The following ANKFN1 variants were observed in gnomAD, a reference collection of about 807,000 sequenced individuals.
ANKFN1 encodes ankyrin repeat and fibronectin type III domain containing 1.
In ANKFN1, 74 loss-of-function variants were observed where a neutral mutation model predicts 108.7. The observed-to-expected ratio is 0.68, with a 90% CI of 0.56 to 0.83. The LOEUF is 0.83. Among genes scored for constraint, ANKFN1 ranks in the 40% least tolerant of loss-of-function variants. The pLI is 0.00. For missense variants in ANKFN1, 1,505 were observed against 1,382.3 expected (o/e 1.09, Z -1.41); for synonymous variants, 547 against 516.2 (o/e 1.06, Z -0.81).
At position 56,477,547 on chromosome 17, in the gene ANKFN1, T is replaced by C; in HGVS notation, c.1833T>C (p.Gly611=). The C allele has an allele frequency of 1.2e-6, 2 of 1,613,666 alleles. No homozygotes were observed. The highest frequency in any genetic ancestry group is 1.7e-6 in the Non-Finnish European group (2 of 1,179,764). Residue 611 remains glycine (G), a synonymous_variant, in exon 16 of 21, where the codon GGT becomes GGC. Transcript: ENST00000682825. ...HQRLFPGLYL[G]YLKLCSSVDQ... ...GTCTCTTTCCTGGATTATATCTGGGTTACCTAAAGCTCTGTAGCTCTGTGG... is the reference window on the plus strand; with the variant it reads ...GTCTCTTTCCTGGATTATATCTGGGCTACCTAAAGCTCTGTAGCTCTGTGG...
chr17:56,359,836 C>T (rs2046469367), intron 6 of ANKFN1, among the ~76,000 whole-genome samples: 1 of 152,204 alleles, frequency 6.6e-6, no homozygotes, highest in African/African-American at 2.4e-5. Context: ...TACCCTTCCA[C>T]ATGGTCCTCC....
At chr17:56,250,969 AT>A (rs138670896) in intron 3 of ANKFN1, among the ~76,000 whole-genome samples, 7,446 of 150,934 alleles carry the variant, frequency 0.049, 247 homozygotes, top group Middle Eastern at 0.072. Flanking sequence ...AAGATTGGTA[AT>A]TTTTTTTTTC....
chr17:56,238,631 T>A (rs1477385746), intron 3 of ANKFN1, among the ~76,000 whole-genome samples: 2 of 152,172 alleles, frequency 1.3e-5, no homozygotes, highest in Non-Finnish European at 2.9e-5. Flanking sequence ...TTCCATATGC[T>A]TGGCAGATTT....
At chr17:56,411,440 C>A (rs2048086822) in intron 8 of ANKFN1, among the ~76,000 whole-genome samples, 1 of 152,120 alleles carries the variant, frequency 6.6e-6, no homozygotes, top group Admixed American at 6.5e-5. Flanking sequence ...TCAGCAGAGA[C>A]AATTTCACTT....
At chr17:56,224,529 C>A (rs1916116398) in intron 2 of ANKFN1, 1 of 152,190 alleles carries the variant, frequency 6.6e-6, no homozygotes, top group African/African-American at 2.4e-5. Flanking sequence ...CAACTTTTTA[C>A]AAACCATAAA....
intron 14 of ANKFN1, chr17:56,462,287 T>G (rs1469069198): frequency 6.6e-6 from 1 of 152,206 alleles, no homozygotes; most frequent in East Asian, 1.9e-4. Flanking sequence ...TAGATCACTC[T>G]ACTAATTTAA....
intron 4 of ANKFN1, among the ~76,000 whole-genome samples, chr17:56,340,990 T>A (rs2045944346): frequency 6.6e-6 from 1 of 152,084 alleles, no homozygotes; most frequent in Non-Finnish European, 1.5e-5. Context: ...TGAGCAGTGG[T>A]TTTAGTTCTC....
At chr17:56,175,021 C>T (rs1484585267) in intron 1 of ANKFN1, among the ~76,000 whole-genome samples, 1 of 152,130 alleles carries the variant, frequency 6.6e-6, no homozygotes, top group African/African-American at 2.4e-5. Flanking sequence ...CACCCCCACC[C>T]ACCTTTTGAA....
At chr17:56,062,559 C>CTTTTTT (rs3085080) in intron 4 of ANKFN1, among the ~76,000 whole-genome samples, 8 of 134,518 alleles carry the variant, frequency 5.9e-5, no homozygotes, top group Admixed American at 7.2e-5. Context: ...GTAATCTCTG[C>CTTTTTT]TTTTTTTTTT....
intron 4 of ANKFN1, among the ~76,000 whole-genome samples, chr17:56,347,613 C>A (rs983358071): frequency 2.6e-5 from 4 of 151,838 alleles, no homozygotes; most frequent in Admixed American, 2.6e-4. Flanking sequence ...TTTGTAATAA[C>A]AAATAACAGA....
intron 4 of ANKFN1, among the ~76,000 whole-genome samples, chr17:56,077,992 T>C (rs1905200733): frequency 6.6e-6 from 1 of 152,234 alleles, no homozygotes; most frequent in Admixed American, 6.5e-5. Flanking sequence ...CTAGTCATTG[T>C]GTTGGTATGC....
intron 3 of ANKFN1, among the ~76,000 whole-genome samples, chr17:56,278,086 T>C (rs919969831): frequency 3.9e-5 from 6 of 152,244 alleles, no homozygotes; most frequent in African/African-American, 1.4e-4. Flanking sequence ...AATTGATAAC[T>C]TGTTAAAAGC....
rs139948980 is a variant in ANKFN1, at chr17:56,198,062, A to G, written c.-70-14536A>G. Among the ~76,000 whole-genome samples the G allele has an allele frequency of 2.0e-4, 31 of 152,354 alleles. No individual in the cohort carries two copies. In the East Asian group the frequency reaches 5.8e-3, roughly 28 times the overall value. ...TGTGCATGTGAGGGATCTAAGTTGC[A>G]CATTCCTTATGAGAGTCTAATGCCT... On this transcript the variant is annotated intron_variant, in intron 1 of 20. Transcript: ENST00000682825.
intron 3 of ANKFN1, among the ~76,000 whole-genome samples, chr17:56,325,825 T>G (rs1469474150): frequency 4.6e-5 from 7 of 152,220 alleles, no homozygotes; most frequent in Non-Finnish European, 8.8e-5. Flanking sequence ...GATGAGCTCT[T>G]GGATGCCAGA....
At chr17:56,228,115 T>A (rs981425163) in intron 3 of ANKFN1, 158 bp downstream of exon 3, 9 of 597,244 alleles carry the variant, frequency 1.5e-5, no homozygotes, top group Non-Finnish European at 2.2e-5. Flanking sequence ...TTGTATAACA[T>A]CATGGAACAT....
intron 8 of ANKFN1, among the ~76,000 whole-genome samples, chr17:56,386,519 C>G (rs1190588035): frequency 6.7e-6 from 1 of 148,786 alleles, no homozygotes; most frequent in Admixed American, 6.7e-5. Context: ...CTTTAATTGG[C>G]TGCTTTACTA....
rs1465814209 is a variant in ANKFN1 at position 56,516,433 on chromosome 17, T to A, written c.*5164T>A. On this transcript the variant is annotated 3_prime_UTR_variant, in exon 21 of 21. Coordinates refer to ENST00000682825, the MANE Select transcript of ANKFN1 (RefSeq NM_001370326.1). ...CTTGTTCAGAATTTATTGTGTCTTA[T>A]TGCTATGTATGCAACTGAGTGTATG... 1.3e-5 allele frequency among the ~76,000 whole-genome samples: 2 copies of A among 152,222 alleles called. No individual in the cohort carries two copies. The highest frequency in any genetic ancestry group is 4.8e-5 in the African/African-American group (2 of 41,462).
intron 6 of ANKFN1, among the ~76,000 whole-genome samples, chr17:56,367,473 G>A (rs1473952058): frequency 4.0e-5 from 6 of 151,750 alleles, no homozygotes; most frequent in Admixed American, 2.6e-4. Context: ...TGGTTAATTA[G>A]CTGCATAGGT....
chr17:56,326,252 A>C lies in ANKFN1; in HGVS notation c.85A>C (p.Arg29=). The change falls in exon 4 of 21, where the codon AGG becomes CGG. Residue 29 remains arginine (R), a synonymous_variant. Transcript: ENST00000682825. ...IGRRFACFAQ[R]LSHRRKQSQC... Reference sequence around the variant, plus strand: ...AAGGAGATTCGCTTGCTTTGCACAGAGGCTGAGCCACAGGAGAAAGCAAAG... The same window carrying C: ...AAGGAGATTCGCTTGCTTTGCACAGCGGCTGAGCCACAGGAGAAAGCAAAG... The C allele has an allele frequency of 1.2e-6, 2 of 1,613,764 alleles. No individual in the cohort carries two copies. Among genetic ancestry groups the C allele is most frequent in the Non-Finnish European group, 1.7e-6 (2 of 1,179,802 alleles).
Sources: gnomAD v4.1 joint callset for allele counts (sites outside exome capture counted in the v4.1 genomes callset) on GRCh38, gnomAD v4.1.1 for gene constraint, MANE v1.5 for transcripts, NCBI Gene and HGNC (gene_info 2026-07-23, HGNC 2026-07-21) for gene names.